RGS12: variants seen among roughly 807,000 people sequenced by gnomAD.
The protein encoded by RGS12 is regulator of G-protein signaling 12.
In RGS12, 66 loss-of-function variants were observed where a neutral mutation model predicts 120.1. The observed-to-expected ratio is 0.55, with a 90% CI of 0.45 to 0.67. RGS12 has a LOEUF of 0.67. Ranked by LOEUF, RGS12 falls within the 30% of genes least tolerant of loss-of-function variation. The pLI is 0.00. For synonymous variants in RGS12, 827 were observed against 804.7 expected, an observed-to-expected ratio of 1.03 and a Z score of -0.47; for missense variants, 1,859 against 1,957.7, an observed-to-expected ratio of 0.95 and a Z score of 0.95.
At chr4:3,341,684 T>TGG (rs59211719) in intron 2 of RGS12, among the ~76,000 whole-genome samples, 1 of 450 alleles carries the variant, frequency 2.2e-3, no homozygotes, top group African/African-American at 5.6e-3. Flanking sequence ...GATGGGGGTG[T>TGG]GGGGAGGGAG....
chr4:3,323,497 A>G (rs1725343016), intron 2 of RGS12, among the ~76,000 whole-genome samples: 1 of 152,214 alleles, frequency 6.6e-6, no homozygotes, highest in Admixed American at 6.5e-5. Context: ...TTGAAAATAC[A>G]TGTGACATAC....
At chr4:3,429,709 C>A (rs532365668) in intron 16 of RGS12, among the ~76,000 whole-genome samples, 39 of 152,344 alleles carry the variant, frequency 2.6e-4, no homozygotes, top group African/African-American at 9.1e-4. Flanking sequence ...GCTGGAGGCA[C>A]CTGCAGGCCC....
intron 3 of RGS12, among the ~76,000 whole-genome samples, chr4:3,349,462 C>T (rs1469940272): frequency 1.3e-5 from 2 of 152,162 alleles, no homozygotes; most frequent in Non-Finnish European, 1.5e-5. Context: ...TCTCGCTCTC[C>T]TACTTAGTGG....
Position 3,398,689 on chromosome 4 carries a change from C to T in RGS12, c.2020+12252C>T, listed in dbSNP as rs80297298. Reference sequence around the variant, plus strand: ...ACGGTATCAACATGGGTAAGTACTCCGAGGGGGAATTATTACACACCTTTT... The same window carrying T: ...ACGGTATCAACATGGGTAAGTACTCTGAGGGGGAATTATTACACACCTTTT... On this transcript the variant is annotated intron_variant, in intron 4 of 17. Coordinates refer to ENST00000336727, the MANE Select transcript of RGS12 (RefSeq NM_001394154.1). Among the ~76,000 whole-genome samples the T allele has an allele frequency of 7.3e-5, 11 of 151,356 alleles. No individual in the cohort carries two copies. The East Asian group carries it at 1.9e-3, about 27-fold the overall frequency.
At chr4:3,371,700 G>C (rs1717012375) in intron 3 of RGS12, among the ~76,000 whole-genome samples, 1 of 152,166 alleles carries the variant, frequency 6.6e-6, no homozygotes, top group Non-Finnish European at 1.5e-5. Flanking sequence ...AGCTCTGCCT[G>C]GCTGGGTCCT....
At chr4:3,303,400 C>A (rs1723791190) in intron 1 of RGS12, among the ~76,000 whole-genome samples, 1 of 152,224 alleles carries the variant, frequency 6.6e-6, no homozygotes, top group African/African-American at 2.4e-5. Context: ...CCTGCTGGCT[C>A]CCCCAGTCTC....
intron 4 of RGS12, among the ~76,000 whole-genome samples, chr4:3,400,074 A>G (rs1181151667): frequency 6.6e-6 from 1 of 152,220 alleles, no homozygotes; most frequent in African/African-American, 2.4e-5. Flanking sequence ...AAGGGGGGGC[A>G]ACAAACATTT....
In RGS12 at chr4:3,374,762, A is replaced by G. The variant is rs2108908827; in HGVS notation, c.1999-11654A>G. Among the ~76,000 whole-genome samples the G allele has an allele frequency of 6.6e-6, 1 of 152,058 alleles. No homozygotes were observed. Among genetic ancestry groups the G allele is most frequent in the South Asian group, 2.1e-4 (1 of 4,822 alleles). ...GTCCCCATCTCTTGCCTGGAGCACC[A>G]CAGAGCCTCCAGCTGCCCCTGCCCT... On this transcript the variant is annotated intron_variant, in intron 3 of 17. Transcript: ENST00000336727. The surrounding 1 kb of genome is among the most constrained non-coding windows in gnomAD (Gnocchi z 6.3).
chr4:3,422,316 G>C, intron 10 of RGS12, 60 bp from the exon 11 acceptor site: 1 of 1,514,132 alleles, frequency 6.6e-7, no homozygotes, highest in Non-Finnish European at 8.9e-7. Context: ...TGCTCTGGGA[G>C]GTGCCCCGCA....
At chr4:3,429,076 TAGAG>T (rs1199367526) in intron 16 of RGS12, among the ~76,000 whole-genome samples, 10 of 152,182 alleles carry the variant, frequency 6.6e-5, no homozygotes, top group Non-Finnish European at 5.9e-5. Flanking sequence ...CAGTTAGCAT[TAGAG>T]AGTCCACCCT....
rs1719353161 is a variant in RGS12, at chr4:3,390,327, T to C, written c.2020+3890T>C. 1.3e-5 allele frequency among the ~76,000 whole-genome samples: 2 copies of C among 152,214 alleles called. No homozygotes were observed. Among genetic ancestry groups the C allele is most frequent in the Non-Finnish European group, 2.9e-5 (2 of 68,040 alleles). The stretch of plus-strand genomic sequence containing the variant: ...TTTTGTCCCCCCAGCTGGTGTGACC[T>C]CCACGTGGCAGGTCAGAGTTGTCCC... On this transcript the variant is annotated intron_variant, in intron 4 of 17. Transcript: ENST00000336727. This position sits in a 1 kb window ranked among gnomAD's most constrained non-coding sequence, Gnocchi z 4.6.
chr4:3,422,323 C>T (rs549630359), intron 10 of RGS12, 53 bp from the exon 11 acceptor site: 86 of 1,534,812 alleles, frequency 5.6e-5, no homozygotes, highest in African/African-American at 1.1e-4. Flanking sequence ...GGAGGTGCCC[C>T]GCACCCCTGT....
chr4:3,379,005 A>ATGTGTGTGTGTGTGTGTG (rs3138719), intron 3 of RGS12, among the ~76,000 whole-genome samples: 1 of 146,452 alleles, frequency 6.8e-6, no homozygotes, highest in Non-Finnish European at 1.5e-5. Flanking sequence ...GAAATGTGCG[A>ATGTGTGTGTGTGTGTGTG]TGTGTGTGTG....
At chr4:3,350,324 A>C (rs959420808) in intron 3 of RGS12, among the ~76,000 whole-genome samples, 1 of 152,242 alleles carries the variant, frequency 6.6e-6, no homozygotes, top group Admixed American at 6.5e-5. Flanking sequence ...GTATGCTGAC[A>C]GTTTTGAAGA....
intron 3 of RGS12, among the ~76,000 whole-genome samples, chr4:3,367,656 G>A (rs915716498): frequency 3.3e-5 from 5 of 152,210 alleles, no homozygotes; most frequent in African/African-American, 1.2e-4. Flanking sequence ...CTTGCTGCTG[G>A]GGCCCTCAGG....
At chr4:3,386,379 G>T (rs372619921) in intron 3 of RGS12, 37 bp from the exon 4 acceptor site, 1 of 1,603,650 alleles carries the variant, frequency 6.2e-7, no homozygotes, top group Non-Finnish European at 8.5e-7. Flanking sequence ...TTGTCATGAG[G>T]CTTAATTAAC....
At chr4:3,394,270 C>G (rs1298434804) in intron 4 of RGS12, among the ~76,000 whole-genome samples, 1 of 151,948 alleles carries the variant, frequency 6.6e-6, no homozygotes, top group African/African-American at 2.4e-5. Flanking sequence ...TCAAGTGATT[C>G]TTGTGCCTCA....
In RGS12 at chr4:3,317,296, C is replaced by T. The variant is rs774186855; in HGVS notation, c.1126C>T (p.Pro376Ser). 3.7e-6 allele frequency: 6 copies of T among 1,614,040 alleles called. No homozygotes were observed. In the East Asian group the frequency reaches 1.1e-4, roughly 30 times the overall value. The change falls in exon 2 of 18, where the codon CCG (proline) becomes TCG (serine). Residue 376 changes from proline to serine, a missense_variant. By Grantham distance (74) the Pro-to-Ser change is moderately conservative. Transcript: ENST00000336727. ...AGACACCAATGGCTGTCTGGAATTC[C>T]CGGCGTCCTCCCTCCCCGTCCTGCA... ...DPDTNGCLEF[P>S]ASSLPVLQFI...
chr4:3,403,405 C>CA, intron 4 of RGS12, among the ~76,000 whole-genome samples: 1 of 152,198 alleles, frequency 6.6e-6, no homozygotes, highest in East Asian at 1.9e-4. Context: ...GGGCCAGACT[C>CA]ACGGTCAGCC....
Sources: allele counts gnomAD v4.1 joint callset (sites outside exome capture counted in the v4.1 genomes callset), GRCh38; gene constraint gnomAD v4.1.1; non-coding constraint Gnocchi (gnomAD v3.1); transcripts MANE v1.5; gene names NCBI Gene and HGNC (gene_info 2026-07-23, HGNC 2026-07-21).